HMBOX1: variants seen among roughly 807,000 people sequenced by gnomAD.
HMBOX1 encodes the protein homeobox-containing protein 1.
HMBOX1 carries 14 observed loss-of-function variants against 54.5 expected under a neutral mutation model. The ratio of observed to expected loss-of-function variants is 0.26; its 90% CI spans 0.17 to 0.40. HMBOX1 has a LOEUF of 0.40. Ranked by LOEUF, HMBOX1 falls within the 10% of genes least tolerant of loss-of-function variation. HMBOX1 has a pLI of 1.00. For missense variants in HMBOX1, 332 were observed against 514.4 expected, an observed-to-expected ratio of 0.65 and a Z score of 3.43; for synonymous variants, 160 against 181.0, an observed-to-expected ratio of 0.88 and a Z score of 0.93.
At position 28,988,327 on chromosome 8, in the gene HMBOX1, T is replaced by A. The variant is rs577255678; in HGVS notation, c.586+8171T>A. Among the ~76,000 whole-genome samples the A allele has an allele frequency of 2.8e-4, 42 of 152,374 alleles. No homozygotes were observed. The East Asian group carries it at 5.4e-3, about 20-fold the overall frequency. Reference sequence around the variant, plus strand: ...ATAACAAAATTAGTTTACCCATTAATCAGTAGATGGACATTTGGATTGTTT... The same window carrying A: ...ATAACAAAATTAGTTTACCCATTAAACAGTAGATGGACATTTGGATTGTTT... On this transcript the variant is annotated intron_variant, in intron 4 of 9. Transcript: ENST00000287701.
At chr8:28,914,475 C>G (rs1186705367) in intron 1 of HMBOX1, among the ~76,000 whole-genome samples, 4 of 152,204 alleles carry the variant, frequency 2.6e-5, no homozygotes, top group Non-Finnish European at 5.9e-5. Context: ...TCAGAATCAT[C>G]TTTTCCCACT....
intron 1 of HMBOX1, among the ~76,000 whole-genome samples, chr8:28,900,271 A>ATATACATATATAT (rs1554519262): frequency 1.1e-4 from 8 of 70,334 alleles, no homozygotes; most frequent in Non-Finnish European, 5.8e-5. Context: ...AAAAAAAAAA[A>ATATACATATATAT]ATATATATAT....
At chr8:29,009,943 G>A in intron 5 of HMBOX1, 1 of 1,073,734 alleles carries the variant, frequency 9.3e-7, no homozygotes, top group South Asian at 2.5e-5. Flanking sequence ...CTGTAATGCT[G>A]CAGCCTCAAA....
At position 29,053,041 on chromosome 8, in the gene HMBOX1, C is replaced by T. The variant is rs1806583923; in HGVS notation, c.*1886C>T. On this transcript the variant is annotated 3_prime_UTR_variant, in exon 10 of 10. Coordinates refer to ENST00000287701, the MANE Select transcript of HMBOX1 (RefSeq NM_001135726.3). ...TCATTCAGGAGATACTGAATATCCGCCAGTTTGTAGTTGGTTTCCTTCCAC... is the reference window on the plus strand; with the variant it reads ...TCATTCAGGAGATACTGAATATCCGTCAGTTTGTAGTTGGTTTCCTTCCAC... 6.6e-6 allele frequency: 1 copy of T among 152,516 alleles called. No homozygotes were observed. The highest frequency in any genetic ancestry group is 1.5e-5 in the Non-Finnish European group (1 of 68,030). The allele number at this position is 152,516 out of a possible 1,614,324, so 9.4% of individuals were successfully genotyped here.
chr8:28,990,474 G>T lies in HMBOX1; in HGVS notation c.586+10318G>T, dbSNP rs572515563. ...TTTCTTGCTTAGTCTTGTTAATATG[G>T]TAAATCACATTGACTTATATTCTGG... On this transcript the variant is annotated intron_variant, in intron 4 of 9. Coordinates refer to ENST00000287701, the MANE Select transcript of HMBOX1 (RefSeq NM_001135726.3). Among the ~76,000 whole-genome samples the T allele has an allele frequency of 9.2e-5, 14 of 152,122 alleles. No homozygotes were observed. In the South Asian group the frequency reaches 2.9e-3, roughly 32 times the overall value.
At chr8:28,957,458 C>A (rs1824676460) in intron 1 of HMBOX1, among the ~76,000 whole-genome samples, 1 of 152,174 alleles carries the variant, frequency 6.6e-6, no homozygotes, top group Non-Finnish European at 1.5e-5. Flanking sequence ...CTGTTGGGTA[C>A]TATGCCCACT....
Position 29,051,236 on chromosome 8 carries a change from C to T in HMBOX1, c.*81C>T. 2.7e-6 allele frequency: 4 copies of T among 1,478,374 alleles called. No homozygotes were observed. Among genetic ancestry groups the T allele is most frequent in the Non-Finnish European group, 3.7e-6 (4 of 1,079,150 alleles). 91.6% of individuals were successfully genotyped at this position (1,478,374 alleles called of 1,614,324 possible). The stretch of plus-strand genomic sequence containing the variant: ...CTTTCCTCGGTCCTTAACATGTGTT[C>T]TTACAGTATAACTTGCAGTTTCTTG... On this transcript the variant is annotated 3_prime_UTR_variant, in exon 10 of 10. Coordinates refer to ENST00000287701, the MANE Select transcript of HMBOX1 (RefSeq NM_001135726.3).
chr8:28,899,302 C>T (rs1176558057), intron 1 of HMBOX1, among the ~76,000 whole-genome samples: 1 of 152,130 alleles, frequency 6.6e-6, no homozygotes, highest in Admixed American at 6.5e-5. Flanking sequence ...CAAAGACTAT[C>T]CCTTATTGAA....
At chr8:28,929,921 ACCCCGCCCCCCGCCCGCC>A (rs1019568251) in intron 1 of HMBOX1, among the ~76,000 whole-genome samples, 16 of 141,376 alleles carry the variant, frequency 1.1e-4, no homozygotes, top group African/African-American at 4.2e-4. Context: ...CGTTTCTAAC[ACCCCGCCCCCCGCCCGCC>A]CCCCGCCCCG....
chr8:28,953,855 C>A (rs1823944264), intron 1 of HMBOX1, among the ~76,000 whole-genome samples: 1 of 152,064 alleles, frequency 6.6e-6, no homozygotes. Context: ...TGCAAATTTT[C>A]ATAATAATAA....
intron 6 of HMBOX1, among the ~76,000 whole-genome samples, chr8:29,033,195 C>T (rs949279755): frequency 3.3e-5 from 5 of 152,164 alleles, no homozygotes; most frequent in African/African-American, 1.2e-4. Flanking sequence ...CTTCCTGTCT[C>T]TTCTGATGTC....
intron 4 of HMBOX1, among the ~76,000 whole-genome samples, chr8:29,001,573 C>G: frequency 6.6e-6 from 1 of 151,600 alleles, no homozygotes; most frequent in South Asian, 2.1e-4. Context: ...CAAAACAAAA[C>G]AAAACAAAAC....
rs557598026 is a variant in HMBOX1 at position 28,919,610 on chromosome 8, G to A, written c.-58+28932G>A. Among the ~76,000 whole-genome samples the A allele has an allele frequency of 2.6e-5, 4 of 152,264 alleles. No homozygotes were observed. In the South Asian group the frequency reaches 8.3e-4, roughly 32 times the overall value. ...TCCATAGTTGATTGAATCCTCAGAT[G>A]TAAAACTCATGGATATGGAGGGCCA... On this transcript the variant is annotated intron_variant, in intron 1 of 9. Coordinates refer to ENST00000287701, the MANE Select transcript of HMBOX1 (RefSeq NM_001135726.3).
intron 6 of HMBOX1, among the ~76,000 whole-genome samples, chr8:29,030,342 C>T (rs554737998): frequency 5.9e-4 from 89 of 152,104 alleles, no homozygotes; most frequent in Non-Finnish European, 7.1e-4. Flanking sequence ...CTCAGCCTCC[C>T]GAGAAGCTGG....
At position 29,052,764 on chromosome 8, in the gene HMBOX1, TGAAAGAGGCACAACTGCTGTG is replaced by T. The variant is rs1156304713; in HGVS notation, c.*1612_*1632del. ...TCAATGTAGCAGCACAGGGTGCGCC[TGAAAGAGGCACAACTGCTGTG>T]GATTTTCTGCCTCGCTCCATCTCTC... is the stretch of plus-strand genomic sequence containing the variant. On this transcript the variant is annotated 3_prime_UTR_variant, in exon 10 of 10. Transcript: ENST00000287701. The T allele has an allele frequency of 2.0e-5, 3 of 152,180 alleles. No homozygotes were observed. The highest frequency in any genetic ancestry group is 4.4e-5 in the Non-Finnish European group (3 of 68,038). The allele number at this position is 152,180 out of a possible 1,614,324, so 9.4% of individuals were successfully genotyped here. A position where few individuals can be genotyped will look rare whatever the true frequency, so the allele number is the denominator to read the frequency against.
intron 4 of HMBOX1, among the ~76,000 whole-genome samples, chr8:28,982,518 T>C (rs1050237216): frequency 6.6e-6 from 1 of 152,158 alleles, no homozygotes; most frequent in Non-Finnish European, 1.5e-5. Context: ...CCAGTGATCA[T>C]GGCTCATTGC....
In HMBOX1 at chr8:28,890,602, C is replaced by G. The variant is rs996784430; in HGVS notation, c.-134C>G. 2.0e-5 allele frequency: 3 copies of G among 153,094 alleles called. No individual in the cohort carries two copies. Among genetic ancestry groups the G allele is most frequent in the East Asian group, 3.9e-4 (2 of 5,190 alleles). The allele number at this position is 153,094 out of a possible 1,614,324, so 9.5% of individuals were successfully genotyped here. A position where few individuals can be genotyped will look rare whatever the true frequency, so the allele number is the denominator to read the frequency against. On this transcript the variant is annotated 5_prime_UTR_variant, in exon 1 of 10. Transcript: ENST00000287701. ...CCCTCCCCCTCCCGCCTTCCCTCCT[C>G]CCTATCTCAGCCCTTCGTACTGGGA... is the stretch of plus-strand genomic sequence containing the variant.
intron 3 of HMBOX1, among the ~76,000 whole-genome samples, chr8:28,972,937 C>T (rs1305075486): frequency 6.6e-6 from 1 of 152,142 alleles, no homozygotes; most frequent in African/African-American, 2.4e-5. Context: ...TATTTATGTA[C>T]TACCACTTGT....
At chr8:28,950,293 C>T (rs943957225) in intron 1 of HMBOX1, among the ~76,000 whole-genome samples, 1 of 152,114 alleles carries the variant, frequency 6.6e-6, no homozygotes, top group Non-Finnish European at 1.5e-5. Flanking sequence ...CCAGAGTTGT[C>T]TGGGGATTCT....
Sources: gnomAD v4.1 joint callset for allele counts (sites outside exome capture counted in the v4.1 genomes callset) on GRCh38, gnomAD v4.1.1 for gene constraint, MANE v1.5 for transcripts, NCBI Gene and HGNC (gene_info 2026-07-23, HGNC 2026-07-21) for gene names.